Variants in FGL1 observed in about 807,000 individuals in gnomAD.
FGL1 encodes fibrinogen-like protein 1.
FGL1 carries 59 observed loss-of-function variants against 43.7 expected under a neutral mutation model. The ratio of observed to expected loss-of-function variants is 1.35; its 90% CI spans 1.10 to 1.68. The LOEUF is 1.68. Among genes scored for constraint, FGL1 ranks in the 40% most tolerant of loss-of-function variants. The pLI, the probability that FGL1 is intolerant of heterozygous loss-of-function variation, is 0.00. For synonymous variants in FGL1, 192 were observed against 126.5 expected, an observed-to-expected ratio of 1.52 and a Z score of -3.48; for missense variants, 596 against 373.0, an observed-to-expected ratio of 1.60 and a Z score of -4.92.
At chr8:17,876,031 T>A (rs1352635326) in intron 3 of FGL1, among the ~76,000 whole-genome samples, 4 of 152,166 alleles carry the variant, frequency 2.6e-5, no homozygotes, top group Non-Finnish European at 5.9e-5. Context: ...ATTGTTCAGA[T>A]GCATAGAAAG....
chr8:17,864,776 A>G, intron 7 of FGL1, 25 bp from the exon 8 acceptor site: 1 of 1,433,456 alleles, frequency 7.0e-7, no homozygotes, highest in Non-Finnish European at 9.2e-7. Context: ...AAAAAAAAAG[A>G]AAACAACAAT....
Position 17,864,531 on chromosome 8 carries a change from G to T in FGL1, c.*61C>A. On this transcript the variant is annotated 3_prime_UTR_variant, in exon 8 of 8. Transcript: ENST00000427924. The stretch of plus-strand genomic sequence containing the variant: ...TTGCGCATGGATATGTTCAGAATGA[G>T]TATTTTTCAAATCACTTTAAACAAA... The T allele has an allele frequency of 2.6e-6, 4 of 1,524,900 alleles. No homozygotes were observed. The highest frequency in any genetic ancestry group is 3.5e-6 in the Non-Finnish European group (4 of 1,129,360). 94.5% of individuals were successfully genotyped at this position (1,524,900 alleles called of 1,614,324 possible). A position where few individuals can be genotyped will look rare whatever the true frequency, so the allele number is the denominator to read the frequency against.
At chr8:17,883,631 T>A (rs1300581117) in intron 2 of FGL1, among the ~76,000 whole-genome samples, 2 of 144,438 alleles carry the variant, frequency 1.4e-5, no homozygotes, top group African/African-American at 5.0e-5. Context: ...ATATATTATA[T>A]CAAATACATA....
At position 17,874,434 on chromosome 8, in the gene FGL1, T is replaced by C; in HGVS notation, c.332A>G (p.Tyr111Cys). The C allele has an allele frequency of 1.2e-6, 2 of 1,614,142 alleles. No homozygotes were observed. Residue 111 changes from tyrosine to cysteine, a missense_variant, in exon 4 of 8, where the codon TAT becomes TGT. Physicochemically the swap from Tyr to Cys is radical, Grantham distance 194 (BLOSUM62 -2). Transcript: ENST00000427924. ...PLQSPAEFSV[Y>C]CDMSDGGGWT... ...TCCTCCTCCATCGGACATGTCACAA[T>C]AAACAGAAAATTCTGCTGGGCTCTG...
At chr8:17,883,283 CATATATATCATATATAATATATT>C (rs1563458349) in intron 2 of FGL1, among the ~76,000 whole-genome samples, 288 of 14,330 alleles carry the variant, frequency 0.02, 34 homozygotes, top group Non-Finnish European at 0.022. Context: ...AATAATATAT[CATATATATCATATATAATATATT>C]AAATAACATA....
chr8:17,885,730 C>A, intron 1 of FGL1, 159 bp from the exon 2 acceptor site: 2 of 604,450 alleles, frequency 3.3e-6, no homozygotes, highest in South Asian at 2.1e-5. Flanking sequence ...CAGCCTCTCA[C>A]CACACAGAAT....
chr8:17,875,577 CTTTCTT>C, intron 3 of FGL1, among the ~76,000 whole-genome samples: 1 of 22,242 alleles, frequency 4.5e-5, no homozygotes, highest in Non-Finnish European at 1.9e-4. Context: ...TTCTTTCTTT[CTTTCTT>C]TCTTTCTTTC....
chr8:17,868,727 G>A lies in FGL1; in HGVS notation c.600C>T (p.Tyr200=), dbSNP rs142240316. 40 of 1,608,490 alleles carry A rather than the reference G, an allele frequency of 2.5e-5. No homozygotes were observed. The highest frequency in any genetic ancestry group is 6.8e-5 in the Admixed American group (4 of 58,796). ...CAGAATATTCCCCAATATTCAACTC[G>A]TAGAAATTCTAAAGAAAAAGGGCAT... ...NFKVGDEKNF[Y]ELNIGEYSGT... Residue 200 remains tyrosine, a synonymous_variant, in exon 7 of 8, where the codon TAC becomes TAT. Transcript: ENST00000427924.
rs1157566860 is a variant in FGL1, at chr8:17,882,000, T to C, written c.243A>G (p.Ala81=). 1.2e-6 allele frequency: 2 copies of C among 1,613,502 alleles called. No homozygotes were observed. The highest frequency in any genetic ancestry group is 1.7e-6 in the Non-Finnish European group (2 of 1,179,718). ...CACTTAAGAAAAGTCCATTCTGACC[T>C]GCATACTGCCTCTTGCTTCCAAGAT... The part of the protein sequence containing the change: ...VIDLGSKRQY[A]DCSEIFNDGY... Residue 81 remains alanine, a splice_region_variant and synonymous_variant, in exon 3 of 8, where the codon GCA becomes GCG. Coordinates refer to ENST00000427924, the MANE Select transcript of FGL1 (RefSeq NM_004467.4).
chr8:17,885,102 A>G (rs1045607728), intron 2 of FGL1, among the ~76,000 whole-genome samples: 3 of 151,508 alleles, frequency 2.0e-5, no homozygotes, highest in South Asian at 2.1e-4. Context: ...GTGAAGTGGC[A>G]TGATCTCAGT....
rs1042493554 is a variant in FGL1, at chr8:17,892,121, A to T, written c.-18+3326T>A. 3.3e-5 allele frequency among the ~76,000 whole-genome samples: 5 copies of T among 152,152 alleles called. No homozygotes were observed. The East Asian group carries it at 9.6e-4, about 29-fold the overall frequency. Reference sequence around the variant, plus strand: ...TTATAATAGCTATGTTGCTTTTTAAATTTGTACCCTTGTGTCTTTAACTAT... The same window carrying T: ...TTATAATAGCTATGTTGCTTTTTAATTTTGTACCCTTGTGTCTTTAACTAT... On this transcript the variant is annotated intron_variant, in intron 1 of 7. Coordinates refer to ENST00000427924, the MANE Select transcript of FGL1 (RefSeq NM_004467.4).
chr8:17,868,441 A>G (rs1016581794), intron 7 of FGL1, 107 bp downstream of exon 7: 10 of 806,228 alleles, frequency 1.2e-5, no homozygotes, highest in Non-Finnish European at 1.8e-5. Flanking sequence ...AATAATACTA[A>G]TATTATAAAT....
At chr8:17,884,652 A>T (rs1328448491) in intron 2 of FGL1, among the ~76,000 whole-genome samples, 1 of 152,200 alleles carries the variant, frequency 6.6e-6, no homozygotes, top group African/African-American at 2.4e-5. Context: ...TTGTTTTACA[A>T]CAGTGGGGGA....
At chr8:17,867,577 T>G (rs907370977) in intron 7 of FGL1, among the ~76,000 whole-genome samples, 2 of 152,244 alleles carry the variant, frequency 1.3e-5, no homozygotes, top group African/African-American at 4.8e-5. Context: ...TCTTGTGCTT[T>G]GGGACCATTA....
intron 5 of FGL1, among the ~76,000 whole-genome samples, chr8:17,871,617 A>G (rs2053362204): frequency 6.6e-6 from 1 of 152,210 alleles, no homozygotes; most frequent in African/African-American, 2.4e-5. Flanking sequence ...TTCTAAATCA[A>G]TTTTATTGCC....
intron 1 of FGL1, among the ~76,000 whole-genome samples, chr8:17,895,051 T>G (rs754800796): frequency 1.3e-5 from 2 of 151,814 alleles, no homozygotes; most frequent in African/African-American, 2.4e-5. Context: ...GATAATCCAA[T>G]AATCAAAAAG....
rs35032257 is a variant in FGL1 at position 17,867,650 on chromosome 8, C to G, written c.779+898G>C. Among the ~76,000 whole-genome samples, 546 of 152,346 alleles carry G rather than the reference C, an allele frequency of 3.6e-3. 3 individuals carry two copies. Among genetic ancestry groups the G allele is most frequent in the African/African-American group, 0.012 (506 of 41,580 alleles). On this transcript the variant is annotated intron_variant, in intron 7 of 7. Transcript: ENST00000427924. ...GAAACTCCAACACTGGATCTGATAA[C>G]TCAGACTTCTACTAAGTGTCTTGGG...
chr8:17,879,942 G>C (rs775807219), intron 3 of FGL1, among the ~76,000 whole-genome samples: 10 of 152,132 alleles, frequency 6.6e-5, no homozygotes, highest in African/African-American at 2.4e-4. Flanking sequence ...TCTTGGGCTT[G>C]GTTTGAAATT....
Position 17,874,015 on chromosome 8 carries a change from T to C in FGL1, c.502+4A>G. 1.3e-6 allele frequency: 2 copies of C among 1,586,588 alleles called. No individual in the cohort carries two copies. The highest frequency in any genetic ancestry group is 1.7e-4 in the Middle Eastern group (1 of 5,996). ...AAATAAATCTGACATCATTCAAACC[T>C]TACCTTGAGTGGTCAAGAAGTGAAG... is the stretch of plus-strand genomic sequence containing the variant. On this transcript the variant is annotated splice_donor_region_variant and intron_variant, in intron 5 of 7. Transcript: ENST00000427924.
Sources: allele counts gnomAD v4.1 joint callset (sites outside exome capture counted in the v4.1 genomes callset), GRCh38; gene constraint gnomAD v4.1.1; transcripts MANE v1.5; gene names NCBI Gene and HGNC (gene_info 2026-07-23, HGNC 2026-07-21).